The following EYS variants were observed in gnomAD, a reference collection of about 807,000 sequenced individuals.
The protein encoded by EYS is protein eyes shut homolog.
EYS carries 250 observed loss-of-function variants against 282.1 expected under a neutral mutation model. The ratio of observed to expected loss-of-function variants is 0.89; its 90% CI spans 0.80 to 0.98. The LOEUF (loss-of-function observed/expected upper bound fraction) is 0.98. Ranked by LOEUF, EYS falls within the 50% of genes least tolerant of loss-of-function variation. The pLI, the probability that EYS is intolerant of heterozygous loss-of-function variation, is 0.00. For missense variants in EYS, 4,016 were observed against 3,709.0 expected, an observed-to-expected ratio of 1.08 and a Z score of -2.15; for synonymous variants, 1,355 against 1,282.9, an observed-to-expected ratio of 1.06 and a Z score of -1.20.
chr6:65,041,174 A>T (rs1050575419), intron 13 of EYS, among the ~76,000 whole-genome samples: 2 of 151,734 alleles, frequency 1.3e-5, no homozygotes, highest in African/African-American at 4.8e-5. Flanking sequence ...ACAGATAAAC[A>T]TTCTTAAAAA....
chr6:64,231,124 T>G (rs1437265868), intron 30 of EYS, among the ~76,000 whole-genome samples: 1 of 152,154 alleles, frequency 6.6e-6, no homozygotes, highest in Non-Finnish European at 1.5e-5. Context: ...GTTACAAATC[T>G]TATGAGCCTA....
At chr6:64,303,355 T>A (rs1224419688) in intron 30 of EYS, among the ~76,000 whole-genome samples, 1 of 152,212 alleles carries the variant, frequency 6.6e-6, no homozygotes, top group Non-Finnish European at 1.5e-5. Flanking sequence ...TTACTAATTC[T>A]AGGATTCAAA....
At chr6:65,518,359 A>T (rs1177964700) in intron 2 of EYS, among the ~76,000 whole-genome samples, 1 of 152,132 alleles carries the variant, frequency 6.6e-6, no homozygotes, top group Non-Finnish European at 1.5e-5. Context: ...CAAAAAGGGC[A>T]GGCAATACAT....
At chr6:64,141,017 T>C (rs1051753848) in intron 31 of EYS, among the ~76,000 whole-genome samples, 1 of 152,242 alleles carries the variant, frequency 6.6e-6, no homozygotes, top group Non-Finnish European at 1.5e-5. Flanking sequence ...ACTTTTACCA[T>C]GTATCACTAT....
chr6:64,472,775 C>T (rs991822245), intron 26 of EYS, among the ~76,000 whole-genome samples: 1 of 152,090 alleles, frequency 6.6e-6, no homozygotes, highest in Admixed American at 6.6e-5. Flanking sequence ...TTAGATGAGA[C>T]ACAATACAAA....
At chr6:65,055,619 A>G (rs1773390769) in intron 13 of EYS, among the ~76,000 whole-genome samples, 1 of 152,054 alleles carries the variant, frequency 6.6e-6, no homozygotes, top group Middle Eastern at 3.4e-3. Flanking sequence ...CTTGGCTTTG[A>G]AAGTTTCTCA....
In EYS at chr6:65,329,781, G is replaced by C. The variant is rs985230442; in HGVS notation, c.1766+5199C>G. ...TCAGAAATAATTTAAGAAAATCCTG[G>C]TCAAATTATACTATACTTTTGTGCC... On this transcript the variant is annotated intron_variant, in intron 11 of 42. Transcript: ENST00000503581. 4 of 980,906 alleles carry C rather than the reference G, an allele frequency of 4.1e-6. No individual in the cohort carries two copies. The African/African-American group carries it at 7.0e-5, about 17-fold the overall frequency. 60.8% of individuals were successfully genotyped at this position (980,906 alleles called of 1,614,324 possible).
rs529081089 is a variant in EYS, at chr6:63,787,530, A to T, written c.7723+575T>A. Among the ~76,000 whole-genome samples the T allele has an allele frequency of 1.1e-4, 17 of 152,380 alleles. No individual in the cohort carries two copies. In the South Asian group the frequency reaches 3.5e-3, roughly 32 times the overall value. ...CTTTTCCCATTGAACTTATCACATT[A>T]TATGACTATATAATTAACTAATTAC... is the stretch of plus-strand genomic sequence containing the variant. On this transcript the variant is annotated intron_variant, in intron 39 of 42. Coordinates refer to ENST00000503581, the MANE Select transcript of EYS (RefSeq NM_001142800.2).
chr6:65,060,230 C>CT (rs34441532), intron 12 of EYS, among the ~76,000 whole-genome samples: 4,302 of 146,242 alleles, frequency 0.029, 72 homozygotes, highest in Admixed American at 0.041. Context: ...ACAAGGAAGA[C>CT]TTTTTTTTTT....
At chr6:65,476,918 A>G (rs1765430353) in intron 5 of EYS, among the ~76,000 whole-genome samples, 1 of 152,200 alleles carries the variant, frequency 6.6e-6, no homozygotes, top group Non-Finnish European at 1.5e-5. Flanking sequence ...TGATTGGGTT[A>G]TTAAGGTAAG....
At chr6:63,754,754 A>G (rs1487645010) in intron 41 of EYS, among the ~76,000 whole-genome samples, 2 of 152,106 alleles carry the variant, frequency 1.3e-5, no homozygotes, top group Non-Finnish European at 2.9e-5. Context: ...CTAGATTCTT[A>G]AGGAATGGCC....
At chr6:64,296,596 ATATTTT>A (rs1769032757) in intron 30 of EYS, among the ~76,000 whole-genome samples, 7 of 6,152 alleles carry the variant, frequency 1.1e-3, no homozygotes, top group African/African-American at 2.2e-3. Context: ...ATATATATAT[ATATTTT>A]TTTTTTTTTT....
At chr6:65,549,857 GC>G (rs1279209743) in intron 2 of EYS, among the ~76,000 whole-genome samples, 1 of 152,124 alleles carries the variant, frequency 6.6e-6, no homozygotes, top group Non-Finnish European at 1.5e-5. Flanking sequence ...CCGCCCATTG[GC>G]CAGAACAGTT....
At position 63,735,478 on chromosome 6, in the gene EYS, CTCTG is replaced by C. The variant is rs576368862; in HGVS notation, c.8072-8802_8072-8799del. ...ATTTCCTGTCTCTGTCTTCCTGTGT[CTCTG>C]TCTGTCTCTGTCACACACACACACA... On this transcript the variant is annotated intron_variant, in intron 41 of 42. Coordinates refer to ENST00000503581, the MANE Select transcript of EYS (RefSeq NM_001142800.2). Among the ~76,000 whole-genome samples, 120 of 150,402 alleles carry C rather than the reference CTCTG, an allele frequency of 8.0e-4. No individual in the cohort carries two copies. The South Asian group carries it at 0.013, about 17-fold the overall frequency.
Position 63,720,531 on chromosome 6 carries a change from C to CAA in EYS, c.*63_*64dup. The CAA allele has an allele frequency of 2.5e-6, 3 of 1,214,050 alleles. No individual in the cohort carries two copies. The highest frequency in any genetic ancestry group is 2.2e-6 in the Non-Finnish European group (2 of 893,326). 75.2% of individuals were successfully genotyped at this position (1,214,050 alleles called of 1,614,324 possible). A position where few individuals can be genotyped will look rare whatever the true frequency, so the allele number is the denominator to read the frequency against. On this transcript the variant is annotated 3_prime_UTR_variant, in exon 43 of 43. Coordinates refer to ENST00000503581, the MANE Select transcript of EYS (RefSeq NM_001142800.2). ...AGTTGATTCCCCGTAAGCAATGTAT[C>CAA]AAAGAAATAACTATCAAAATAACTG...
chr6:63,901,533 C>T (rs1396101524), intron 35 of EYS, among the ~76,000 whole-genome samples: 1 of 152,124 alleles, frequency 6.6e-6, no homozygotes, highest in African/African-American at 2.4e-5. Context: ...TAATGAACCC[C>T]AGTTAGAATA....
intron 22 of EYS, among the ~76,000 whole-genome samples, chr6:64,731,572 A>C (rs1047606166): frequency 1.3e-5 from 2 of 152,208 alleles, no homozygotes; most frequent in African/African-American, 4.8e-5. Flanking sequence ...GCTCATCTTC[A>C]CTGGTTATTA....
At chr6:64,898,892 A>T (rs1767560926) in intron 18 of EYS, among the ~76,000 whole-genome samples, 2 of 152,058 alleles carry the variant, frequency 1.3e-5, no homozygotes, top group Non-Finnish European at 1.5e-5. Context: ...GGATCAAGGC[A>T]ACAAGAAGAG....
chr6:65,274,833 T>C (rs150609377), intron 12 of EYS, among the ~76,000 whole-genome samples: 1 of 151,922 alleles, frequency 6.6e-6, no homozygotes, highest in African/African-American at 2.4e-5. Context: ...TAGGGGTCCA[T>C]AGGTCCTGTC....
Sources: gnomAD v4.1 joint callset for allele counts (sites outside exome capture counted in the v4.1 genomes callset) on GRCh38, gnomAD v4.1.1 for gene constraint, MANE v1.5 for transcripts, NCBI Gene and HGNC (gene_info 2026-07-23, HGNC 2026-07-21) for gene names.